Variants in SEMA6D observed in about 807,000 individuals in gnomAD.
SEMA6D encodes the protein semaphorin 6D.
A neutral mutation model predicts 106.6 loss-of-function variants in SEMA6D; 35 were observed. The observed-to-expected ratio is 0.33, with a 90% CI of 0.25 to 0.44. The LOEUF is 0.44. SEMA6D is among the 20% of genes least tolerant of loss of function. SEMA6D has a pLI of 1.00. For synonymous variants in SEMA6D, 499 were observed against 487.7 expected (o/e 1.02, Z -0.31); for missense variants, 1,185 against 1,345.9 (o/e 0.88, Z 1.87).
At chr15:47,706,037 T>G (rs563478360) in intron 4 of SEMA6D, among the ~76,000 whole-genome samples, 20 of 152,296 alleles carry the variant, frequency 1.3e-4, no homozygotes, top group Admixed American at 1.1e-3. Context: ...TCTTTGCAAC[T>G]TAAGGAATAT....
intron 1 of SEMA6D, among the ~76,000 whole-genome samples, chr15:47,253,651 G>A (rs964432143): frequency 1.3e-5 from 2 of 151,894 alleles, no homozygotes; most frequent in African/African-American, 4.8e-5. Flanking sequence ...GCACCATTGT[G>A]AAAAATAATT....
chr15:47,736,680 A>T (rs377265992), intron 1 of SEMA6D, among the ~76,000 whole-genome samples: 1 of 152,342 alleles, frequency 6.6e-6, no homozygotes, highest in South Asian at 2.1e-4. Context: ...TGGAATTTAA[A>T]TAAGCCAGAA....
chr15:47,204,062 GCAA>G, intron 1 of SEMA6D, among the ~76,000 whole-genome samples: 1 of 152,164 alleles, frequency 6.6e-6, no homozygotes, highest in Non-Finnish European at 1.5e-5. Flanking sequence ...GGAACTCAGA[GCAA>G]CTGTAGAGAA....
intron 1 of SEMA6D, chr15:47,396,290 A>G (rs2040211721): frequency 6.8e-6 from 1 of 146,246 alleles, no homozygotes; most frequent in South Asian, 2.2e-4. Context: ...AAAGGGACAG[A>G]TTTAACAGAA....
intron 3 of SEMA6D, among the ~76,000 whole-genome samples, chr15:47,539,055 G>C (rs1014650488): frequency 6.6e-6 from 1 of 152,076 alleles, no homozygotes; most frequent in South Asian, 2.1e-4. Flanking sequence ...TAAGCTTCAG[G>C]GAAATTGATA....
chr15:47,463,408 C>T (rs2042569965), intron 2 of SEMA6D, among the ~76,000 whole-genome samples: 1 of 152,190 alleles, frequency 6.6e-6, no homozygotes, highest in South Asian at 2.1e-4. Flanking sequence ...ATAGCCCTGA[C>T]TGCATATATG....
At chr15:47,715,852 G>A (rs1185191420), upstream of SEMA6D, among the ~76,000 whole-genome samples, 2 of 152,176 alleles carry the variant, frequency 1.3e-5, no homozygotes, top group African/African-American at 4.8e-5. Context: ...GGTGGGTGGC[G>A]ATTTGACTCC....
intron 4 of SEMA6D, among the ~76,000 whole-genome samples, chr15:47,638,239 A>G (rs943991749): frequency 2.6e-5 from 4 of 152,184 alleles, no homozygotes; most frequent in African/African-American, 7.2e-5. Flanking sequence ...TTGTTCTACA[A>G]TATTCCCTGA....
At chr15:47,709,637 T>C (rs1452918078) in intron 4 of SEMA6D, among the ~76,000 whole-genome samples, 1 of 152,160 alleles carries the variant, frequency 6.6e-6, no homozygotes, top group Non-Finnish European at 1.5e-5. Flanking sequence ...GTCACCTTGA[T>C]TAGATTTTGT....
At chr15:47,368,113 C>G (rs1469649119) in intron 1 of SEMA6D, among the ~76,000 whole-genome samples, 2 of 152,180 alleles carry the variant, frequency 1.3e-5, no homozygotes, top group African/African-American at 4.8e-5. Context: ...TATTTAGCTA[C>G]CAGTATGCAA....
intron 1 of SEMA6D, among the ~76,000 whole-genome samples, chr15:47,348,673 TCACA>T (rs71118173): frequency 0.013 from 1,342 of 104,944 alleles, 30 homozygotes; most frequent in African/African-American, 0.053. Flanking sequence ...CAAGAGTACA[TCACA>T]CACACACACA....
chr15:47,553,387 T>A (rs1436600322), intron 3 of SEMA6D, among the ~76,000 whole-genome samples: 4 of 152,154 alleles, frequency 2.6e-5, no homozygotes, highest in Non-Finnish European at 5.9e-5. Flanking sequence ...AAAATTGTTT[T>A]CTAAAGTGAC....
At chr15:47,486,602 G>C (rs932162500) in intron 3 of SEMA6D, among the ~76,000 whole-genome samples, 4 of 151,138 alleles carry the variant, frequency 2.6e-5, no homozygotes, top group Non-Finnish European at 5.9e-5. Context: ...AACTACATCT[G>C]TTATCTTGGC....
At chr15:47,416,462 C>G (rs914556814) in intron 2 of SEMA6D, among the ~76,000 whole-genome samples, 1 of 152,088 alleles carries the variant, frequency 6.6e-6, no homozygotes, top group Non-Finnish European at 1.5e-5. Context: ...CTAAAATACT[C>G]CACCCAAATT....
At chr15:47,589,720 G>T (rs1223565970) in intron 3 of SEMA6D, among the ~76,000 whole-genome samples, 1 of 152,204 alleles carries the variant, frequency 6.6e-6, no homozygotes, top group African/African-American at 2.4e-5. Context: ...GATCCCTCGA[G>T]AACAGCAACT....
intron 3 of SEMA6D, among the ~76,000 whole-genome samples, chr15:47,511,934 C>G (rs2044248160): frequency 6.6e-6 from 1 of 152,108 alleles, no homozygotes; most frequent in Non-Finnish European, 1.5e-5. Flanking sequence ...CTTGCCTGAC[C>G]TCGGTGAGAA....
chr15:47,251,205 A>G (rs571704055), intron 1 of SEMA6D, among the ~76,000 whole-genome samples: 1 of 152,214 alleles, frequency 6.6e-6, no homozygotes, highest in Admixed American at 6.5e-5. Context: ...TCACAATTCT[A>G]GCCTCCTTCT....
chr15:47,653,423 TCTCAAA>T (rs2077730484), intron 4 of SEMA6D, among the ~76,000 whole-genome samples: 1 of 152,214 alleles, frequency 6.6e-6, no homozygotes, highest in African/African-American at 2.4e-5. Flanking sequence ...CACGCATTCT[TCTCAAA>T]CCCAGAGAAA....
chr15:47,687,693 G>A (rs550512544), intron 4 of SEMA6D, among the ~76,000 whole-genome samples: 2 of 152,244 alleles, frequency 1.3e-5, no homozygotes, highest in Admixed American at 6.5e-5. Flanking sequence ...ATGTTCAGAA[G>A]GGATCCCGGC....
Sources: gnomAD v4.1 joint callset for allele counts (sites outside exome capture counted in the v4.1 genomes callset) on GRCh38, gnomAD v4.1.1 for gene constraint, MANE v1.5 for transcripts, NCBI Gene and HGNC (gene_info 2026-07-23, HGNC 2026-07-21) for gene names.